Variants in RAB2A observed in about 807,000 individuals in gnomAD.
The protein encoded by RAB2A is RAB2A, member RAS oncogene family.
RAB2A carries 7 observed loss-of-function variants against 32.5 expected under a neutral mutation model. The ratio of observed to expected loss-of-function variants is 0.22; its 90% CI spans 0.12 to 0.40. The LOEUF (loss-of-function observed/expected upper bound fraction) is 0.40. Ranked by LOEUF, RAB2A falls within the 10% of genes least tolerant of loss-of-function variation. The pLI is 1.00. For synonymous variants in RAB2A, 79 were observed against 85.2 expected (o/e 0.93, Z 0.40); for missense variants, 108 against 260.7 (o/e 0.41, Z 4.03).
intron 2 of RAB2A, among the ~76,000 whole-genome samples, chr8:60,561,142 A>G (rs1355951983): frequency 2.6e-5 from 4 of 152,146 alleles, no homozygotes; most frequent in Admixed American, 2.6e-4. Context: ...TAGGGGTGGT[A>G]GCAGCTTCCT....
At chr8:60,615,093 A>G (rs1269234006) in intron 6 of RAB2A, among the ~76,000 whole-genome samples, 2 of 152,118 alleles carry the variant, frequency 1.3e-5, no homozygotes, top group African/African-American at 4.8e-5. Flanking sequence ...CTATTCTAAA[A>G]CCTATTAGTT....
chr8:60,593,979 T>C (rs1296029978), intron 6 of RAB2A, among the ~76,000 whole-genome samples: 1 of 151,016 alleles, frequency 6.6e-6, no homozygotes, highest in African/African-American at 2.4e-5. Flanking sequence ...CTTTGTACAC[T>C]AGAAAAAAAA....
chr8:60,518,199 CTAA>C (rs536417335), intron 1 of RAB2A, among the ~76,000 whole-genome samples: 4 of 152,238 alleles, frequency 2.6e-5, no homozygotes, highest in African/African-American at 9.6e-5. Context: ...TACTTTGAAT[CTAA>C]TAATAAACAT....
chr8:60,547,614 C>A (rs1477732216), intron 1 of RAB2A, among the ~76,000 whole-genome samples: 75 of 124,590 alleles, frequency 6.0e-4, no homozygotes, highest in African/African-American at 2.0e-3. Flanking sequence ...GGCAGAGGCG[C>A]CCCTCACCTC....
intron 2 of RAB2A, among the ~76,000 whole-genome samples, chr8:60,562,738 T>C (rs973352974): frequency 3.3e-5 from 5 of 152,190 alleles, no homozygotes; most frequent in African/African-American, 9.7e-5. Flanking sequence ...TCGATAATGA[T>C]AATTACATTG....
At chr8:60,584,062 C>G (rs1033083237) in intron 3 of RAB2A, 146 bp from the exon 4 acceptor site, 8 of 653,298 alleles carry the variant, frequency 1.2e-5, no homozygotes, top group Non-Finnish European at 2.2e-5. Context: ...TGTTTTGTAA[C>G]TTTTTCCTAA....
intron 2 of RAB2A, among the ~76,000 whole-genome samples, chr8:60,561,947 A>G (rs1006011174): frequency 6.6e-6 from 1 of 152,178 alleles, no homozygotes; most frequent in Non-Finnish European, 1.5e-5. Flanking sequence ...TCCTGAGCTC[A>G]TGATTCTTCT....
chr8:60,560,741 G>GT (rs1300496467), intron 2 of RAB2A, among the ~76,000 whole-genome samples: 9 of 124,750 alleles, frequency 7.2e-5, no homozygotes, highest in South Asian at 3.0e-4. Flanking sequence ...TTTGTTTTTT[G>GT]TTTTTTGTTT....
intron 1 of RAB2A, among the ~76,000 whole-genome samples, chr8:60,543,384 T>G (rs1346211399): frequency 2.0e-5 from 2 of 99,370 alleles, no homozygotes; most frequent in Non-Finnish European, 3.9e-5. Context: ...CTTCATTCAC[T>G]TAACTGTACT....
chr8:60,553,618 A>G (rs1473313208), intron 1 of RAB2A, among the ~76,000 whole-genome samples: 3 of 152,350 alleles, frequency 2.0e-5, no homozygotes, highest in East Asian at 1.9e-4. Context: ...TTTGCTTCTT[A>G]TAACAGTTCA....
At chr8:60,530,816 C>T (rs1296606883) in intron 1 of RAB2A, among the ~76,000 whole-genome samples, 1 of 97,916 alleles carries the variant, frequency 1.0e-5, no homozygotes, top group Non-Finnish European at 2.3e-5. Context: ...TTGTCATGGG[C>T]TTTTGGGTTT....
intron 1 of RAB2A, among the ~76,000 whole-genome samples, chr8:60,548,527 C>T (rs1807782526): frequency 9.6e-6 from 1 of 104,632 alleles, no homozygotes; most frequent in African/African-American, 4.8e-5. Flanking sequence ...GACCCCCCCA[C>T]CTCCCTCCCG....
In RAB2A at chr8:60,559,689, T is replaced by A. The variant is rs569982016; in HGVS notation, c.118+766T>A. ...AGAATCTAGCTGGATTATTCTTCTG[T>A]GGCTGTAGCCCATTAACAACTAGAA... On this transcript the variant is annotated intron_variant, in intron 2 of 7. Transcript: ENST00000262646. Among the ~76,000 whole-genome samples the A allele has an allele frequency of 1.2e-4, 19 of 152,368 alleles. No individual in the cohort carries two copies. The East Asian group carries it at 3.5e-3, about 28-fold the overall frequency.
intron 6 of RAB2A, among the ~76,000 whole-genome samples, chr8:60,600,497 G>GT (rs1804115361): frequency 6.6e-6 from 1 of 152,186 alleles, no homozygotes; most frequent in Non-Finnish European, 1.5e-5. Context: ...AAAAATGGCA[G>GT]TTTCTTTAAA....
intron 6 of RAB2A, among the ~76,000 whole-genome samples, chr8:60,613,820 A>C (rs571726628): frequency 2.0e-5 from 3 of 152,326 alleles, no homozygotes; most frequent in African/African-American, 7.2e-5. Context: ...ATTGATTATT[A>C]TTAACTTAGG....
At chr8:60,544,747 A>T (rs1253432486) in intron 1 of RAB2A, among the ~76,000 whole-genome samples, 1 of 151,954 alleles carries the variant, frequency 6.6e-6, no homozygotes, top group Non-Finnish European at 1.5e-5. Context: ...TCCATAACTA[A>T]CTTGCTTGAG....
intron 2 of RAB2A, among the ~76,000 whole-genome samples, chr8:60,565,308 A>G (rs1407455011): frequency 1.3e-5 from 2 of 151,596 alleles, no homozygotes; most frequent in East Asian, 1.9e-4. Context: ...AGCCCCAGCT[A>G]CTTGGTAGAC....
Position 60,558,932 on chromosome 8 carries a change from T to A in RAB2A, c.118+9T>A, listed in dbSNP as rs368572444. Reference sequence around the variant, plus strand: ...GCATGACCTTACTATTGGTAAGTTTTATAAAAGGGATGAGAAGCACTAAAA... The same window carrying A: ...GCATGACCTTACTATTGGTAAGTTTAATAAAAGGGATGAGAAGCACTAAAA... On this transcript the variant is annotated intron_variant, in intron 2 of 7. Coordinates refer to ENST00000262646, the MANE Select transcript of RAB2A (RefSeq NM_002865.3). 11 of 1,599,480 alleles carry A rather than the reference T, an allele frequency of 6.9e-6. No individual in the cohort carries two copies. The highest frequency in any genetic ancestry group is 8.6e-6 in the Non-Finnish European group (10 of 1,167,814).
intron 1 of RAB2A, among the ~76,000 whole-genome samples, chr8:60,523,290 T>C (rs1474644905): frequency 6.6e-6 from 1 of 152,128 alleles, no homozygotes; most frequent in East Asian, 1.9e-4. Context: ...CCCGAATAGC[T>C]GGGACTACAG....
Sources: allele counts gnomAD v4.1 joint callset (sites outside exome capture counted in the v4.1 genomes callset), GRCh38; gene constraint gnomAD v4.1.1; transcripts MANE v1.5; gene names NCBI Gene and HGNC (gene_info 2026-07-23, HGNC 2026-07-21).